The following ERG variants were observed in gnomAD, a reference collection of about 807,000 sequenced individuals.
ERG encodes the protein transcriptional regulator ERG.
Under a neutral mutation model 55.3 loss-of-function variants are expected in ERG, and 9 were observed. The observed-to-expected ratio is 0.16, with a 90% CI of 0.10 to 0.28. ERG has a LOEUF of 0.28. Among genes scored for constraint, ERG ranks in the 10% least tolerant of loss-of-function variants. The pLI, the probability that ERG is intolerant of heterozygous loss-of-function variation, is 1.00. For synonymous variants in ERG, 223 were observed against 237.3 expected (o/e 0.94, Z 0.55); for missense variants, 434 against 631.6 (o/e 0.69, Z 3.35).
At chr21:38,368,331 A>G in the ERG span, among the ~76,000 whole-genome samples, 1 of 152,174 alleles carries the variant, frequency 6.6e-6, no homozygotes, top group Non-Finnish European at 1.5e-5. Flanking sequence ...AAATAAATGG[A>G]ACCATATCAT....
chr21:38,461,098 G>A (rs572657330), intron 1 of ERG, among the ~76,000 whole-genome samples: 8 of 152,198 alleles, frequency 5.3e-5, no homozygotes, highest in Non-Finnish European at 4.4e-5. Context: ...GGGTTGCCAA[G>A]ACAATGTACC....
intron 2 of ERG, among the ~76,000 whole-genome samples, chr21:38,505,665 C>T (rs757019548): frequency 6.6e-6 from 1 of 152,182 alleles, no homozygotes; most frequent in African/African-American, 2.4e-5. Context: ...AGGGATAAAT[C>T]ATGGTTTTCC....
chr21:38,375,582 C>T (rs1014995), downstream of ERG, among the ~76,000 whole-genome samples: 25,970 of 151,968 alleles, frequency 0.17, 2,369 homozygotes, highest in South Asian at 0.25. Context: ...CCACAGAGCC[C>T]GACACACCGT....
intron 1 of ERG, among the ~76,000 whole-genome samples, chr21:38,469,260 C>T (rs374767590): frequency 3.9e-5 from 6 of 152,264 alleles, no homozygotes; most frequent in South Asian, 2.1e-4. Flanking sequence ...GACTCATTAA[C>T]GCACTTAGCA....
intron 1 of ERG, among the ~76,000 whole-genome samples, chr21:38,475,666 C>T (rs1451773211): frequency 1.3e-5 from 2 of 152,186 alleles, no homozygotes; most frequent in South Asian, 2.1e-4. Context: ...CTAGAGGTCC[C>T]GCCCCCCGGC....
chr21:38,444,976 C>T (rs1037763560), intron 2 of ERG, among the ~76,000 whole-genome samples: 9 of 152,146 alleles, frequency 5.9e-5, no homozygotes, highest in Middle Eastern at 3.2e-3. Context: ...ACAGAGCCCT[C>T]GTGCCTGGGA....
intron 2 of ERG, among the ~76,000 whole-genome samples, chr21:38,568,109 CT>C (rs945864076): frequency 7.3e-6 from 1 of 137,472 alleles, no homozygotes; most frequent in Non-Finnish European, 1.6e-5. Flanking sequence ...ATTTCCCCTT[CT>C]TACTTTTCTC....
At chr21:38,397,313 TTGGGGGCTGGGCA>T (rs1275220417) in intron 6 of ERG, among the ~76,000 whole-genome samples, 1 of 151,774 alleles carries the variant, frequency 6.6e-6, no homozygotes, top group Admixed American at 6.6e-5. Flanking sequence ...AAAAGGTAGA[TTGGGGGCTGGGCA>T]TGGTGGTTCA....
intron 1 of ERG, among the ~76,000 whole-genome samples, chr21:38,633,797 C>T (rs1415886218): frequency 6.6e-6 from 1 of 151,186 alleles, no homozygotes; most frequent in Non-Finnish European, 1.5e-5. Flanking sequence ...TTTGAAGTGC[C>T]GAATTATTTC....
intron 1 of ERG, among the ~76,000 whole-genome samples, chr21:38,646,935 T>A (rs2146979373): frequency 6.6e-6 from 1 of 152,248 alleles, no homozygotes; most frequent in Middle Eastern, 3.4e-3. Flanking sequence ...CGTGCTCAGG[T>A]CCAGAAGTTC....
chr21:38,406,451 C>G (rs1988777988), intron 3 of ERG, among the ~76,000 whole-genome samples: 1 of 152,040 alleles, frequency 6.6e-6, no homozygotes. Flanking sequence ...GTCAGAATTC[C>G]TCTTTCTACA....
upstream of ERG, among the ~76,000 whole-genome samples, chr21:38,502,971 C>T (rs199684015): frequency 5.9e-5 from 9 of 152,112 alleles, no homozygotes; most frequent in Admixed American, 1.3e-4. Context: ...GTGATCCACT[C>T]GCCTCAGCCT....
chr21:38,507,089 C>G (rs2059467568), intron 2 of ERG, among the ~76,000 whole-genome samples: 1 of 152,056 alleles, frequency 6.6e-6, no homozygotes, highest in South Asian at 2.1e-4. Context: ...GACGCTGGCT[C>G]GACAAAAAGC....
Position 38,564,434 on chromosome 21 carries a change from T to A in ERG, c.-41+11228A>T, listed in dbSNP as rs117061879. On this transcript the variant is annotated intron_variant, in intron 2 of 8. Transcript: ENST00000398897. ...TAAAAATTAATAGGTAGAATAATCA[T>A]CAAAAACAATCTGCACAACAAATAT... Among the ~76,000 whole-genome samples, 789 of 152,112 alleles carry A rather than the reference T, an allele frequency of 5.2e-3. 6 individuals carry two copies. The highest frequency in any genetic ancestry group is 8.7e-3 in the Non-Finnish European group (594 of 67,962).
Position 38,566,252 on chromosome 21 carries a change from T to A in ERG, c.-41+9410A>T, listed in dbSNP as rs544779582. On this transcript the variant is annotated intron_variant, in intron 2 of 8. Coordinates refer to the ERG transcript ENST00000398897. ...AAAACCCATAATAAGTAGGACTTCT[T>A]CCTATTCATTAGTAAGAAAGAGTTG... Among the ~76,000 whole-genome samples, 19 of 152,328 alleles carry A rather than the reference T, an allele frequency of 1.2e-4. 1 individual carries two copies. In the South Asian group the frequency reaches 3.9e-3, roughly 32 times the overall value.
chr21:38,450,806 C>T, intron 1 of ERG: 1 of 426,526 alleles, frequency 2.3e-6, no homozygotes, highest in South Asian at 1.7e-5. Context: ...TCTCTGATGG[C>T]AGATAAAATA....
intron 1 of ERG, among the ~76,000 whole-genome samples, chr21:38,490,265 TA>T (rs2059324181): frequency 6.6e-6 from 1 of 150,628 alleles, no homozygotes; most frequent in Non-Finnish European, 1.5e-5. Flanking sequence ...AAAAAAAAGG[TA>T]GGGGGAAATG....
rs571411664 is a variant in ERG at position 38,460,355 on chromosome 21, G to T, written c.19-14734C>A. Reference sequence around the variant, plus strand: ...CTAGCCGTCTTGGCTAAAAGCCCGGGAATTGTCTTCTTCTGTGTTGCACTA... The same window carrying T: ...CTAGCCGTCTTGGCTAAAAGCCCGGTAATTGTCTTCTTCTGTGTTGCACTA... On this transcript the variant is annotated intron_variant, in intron 1 of 9. Transcript: ENST00000288319. The surrounding 1 kb of genome is among the most constrained non-coding windows in gnomAD (Gnocchi z 5.0). 6.6e-6 allele frequency among the ~76,000 whole-genome samples: 1 copy of T among 152,190 alleles called. No individual in the cohort carries two copies. Among genetic ancestry groups the T allele is most frequent in the African/African-American group, 2.4e-5 (1 of 41,436 alleles).
At chr21:38,368,395 A>G in the ERG span, among the ~76,000 whole-genome samples, 1 of 152,128 alleles carries the variant, frequency 6.6e-6, no homozygotes, top group African/African-American at 2.4e-5. Context: ...TGTTAGTTTC[A>G]TTAATTGCTG....
Sources: gnomAD v4.1 joint callset for allele counts (sites outside exome capture counted in the v4.1 genomes callset) on GRCh38, gnomAD v4.1.1 for gene constraint, Gnocchi (gnomAD v3.1) non-coding constraint, MANE v1.5 for transcripts, NCBI Gene and HGNC (gene_info 2026-07-23, HGNC 2026-07-21) for gene names.